SPECC1: variants seen among roughly 807,000 people sequenced by gnomAD.
SPECC1 encodes the protein cytospin-B.
A neutral mutation model predicts 104.1 loss-of-function variants in SPECC1; 62 were observed. The ratio of observed to expected loss-of-function variants is 0.60; its 90% CI spans 0.49 to 0.74. The LOEUF is 0.74. Among genes scored for constraint, SPECC1 ranks in the 30% least tolerant of loss-of-function variants. The pLI, the probability that SPECC1 is intolerant of heterozygous loss-of-function variation, is 0.00. For missense variants in SPECC1, 1,306 were observed against 1,310.5 expected, an observed-to-expected ratio of 1.00 and a Z score of 0.05; for synonymous variants, 513 against 501.6, an observed-to-expected ratio of 1.02 and a Z score of -0.30.
intron 1 of SPECC1, among the ~76,000 whole-genome samples, chr17:20,027,537 A>G (rs9896010): frequency 6.6e-6 from 1 of 151,986 alleles, no homozygotes. Flanking sequence ...TATGTTTTCT[A>G]CCAGTAGTTT....
At chr17:20,105,262 A>T (rs933057082) in intron 2 of SPECC1, among the ~76,000 whole-genome samples, 4 of 152,120 alleles carry the variant, frequency 2.6e-5, no homozygotes, top group South Asian at 2.1e-4. Context: ...ACTAATTTTT[A>T]AAAAAGATTA....
At chr17:20,090,591 CA>C (rs56019742) in intron 1 of SPECC1, among the ~76,000 whole-genome samples, 72,792 of 142,308 alleles carry the variant, frequency 0.51, 18,139 homozygotes, top group Middle Eastern at 0.59. Flanking sequence ...TACACTATTC[CA>C]AAAAAAAAAA....
chr17:20,080,520 C>T (rs1412865371), intron 1 of SPECC1, among the ~76,000 whole-genome samples: 1 of 151,956 alleles, frequency 6.6e-6, no homozygotes, highest in Non-Finnish European at 1.5e-5. Context: ...CACAAGTGCC[C>T]GACATAAATG....
intron 1 of SPECC1, among the ~76,000 whole-genome samples, chr17:20,059,557 G>C (rs2046102521): frequency 8.4e-6 from 1 of 119,396 alleles, no homozygotes; most frequent in African/African-American, 2.9e-5. Context: ...CTGGCATGAA[G>C]TGCAACTTCT....
chr17:20,130,481 T>C (rs1407055290), intron 3 of SPECC1, among the ~76,000 whole-genome samples: 1 of 152,170 alleles, frequency 6.6e-6, no homozygotes, highest in Non-Finnish European at 1.5e-5. Context: ...TCTGCAGTGA[T>C]ATATAATAAC....
At chr17:20,085,808 A>T (rs2047154594) in intron 1 of SPECC1, among the ~76,000 whole-genome samples, 1 of 152,174 alleles carries the variant, frequency 6.6e-6, no homozygotes, top group African/African-American at 2.4e-5. Flanking sequence ...CTCCCGCTGC[A>T]TGTGCGAGTG....
chr17:20,043,403 A>T (rs1236262632), intron 1 of SPECC1, among the ~76,000 whole-genome samples: 1 of 152,146 alleles, frequency 6.6e-6, no homozygotes, highest in African/African-American at 2.4e-5. Context: ...CAAAATGATA[A>T]TTTTTCTAAT....
At chr17:20,055,894 C>T (rs187181793) in intron 1 of SPECC1, among the ~76,000 whole-genome samples, 38 of 152,346 alleles carry the variant, frequency 2.5e-4, no homozygotes, top group African/African-American at 9.1e-4. Flanking sequence ...TTCAGTGCCT[C>T]TCTGGAGCAT....
intron 3 of SPECC1, among the ~76,000 whole-genome samples, chr17:20,116,149 G>A (rs977799046): frequency 6.6e-6 from 1 of 151,696 alleles, no homozygotes; most frequent in Non-Finnish European, 1.5e-5. Flanking sequence ...GTGCAGTGGC[G>A]CGATCTTGGC....
At chr17:20,050,309 C>G (rs1423679245) in intron 1 of SPECC1, among the ~76,000 whole-genome samples, 1 of 152,040 alleles carries the variant, frequency 6.6e-6, no homozygotes, top group Non-Finnish European at 1.5e-5. Flanking sequence ...TTTCCTGATG[C>G]CTATCCTGCT....
At chr17:20,068,030 G>C (rs888661788) in intron 1 of SPECC1, among the ~76,000 whole-genome samples, 2 of 152,128 alleles carry the variant, frequency 1.3e-5, no homozygotes, top group East Asian at 1.9e-4. Context: ...ACCCAGGCTG[G>C]AGTGCAGTGC....
At chr17:20,091,945 C>CAATTA (rs2047420033) in intron 1 of SPECC1, among the ~76,000 whole-genome samples, 1 of 152,168 alleles carries the variant, frequency 6.6e-6, no homozygotes, top group African/African-American at 2.4e-5. Context: ...CCGAAGGCAG[C>CAATTA]AATTTAGTGG....
chr17:20,208,650 A>G (rs1300393630), intron 4 of SPECC1, among the ~76,000 whole-genome samples: 4 of 152,358 alleles, frequency 2.6e-5, no homozygotes, highest in Middle Eastern at 3.4e-3. Flanking sequence ...ACATTGTGCA[A>G]TGTCGAATAG....
intron 7 of SPECC1, chr17:20,239,457 C>A (rs191220041): frequency 2.9e-4 from 64 of 217,734 alleles, no homozygotes; most frequent in Admixed American, 2.2e-3. Context: ...TTTATCATAT[C>A]ATAGGCATCC....
At chr17:20,166,435 GA>G (rs2033653035) in intron 3 of SPECC1, among the ~76,000 whole-genome samples, 1 of 152,126 alleles carries the variant, frequency 6.6e-6, no homozygotes, top group Non-Finnish European at 1.5e-5. Flanking sequence ...TGTAAATAAT[GA>G]AAGTTGACAT....
At chr17:20,051,094 TTCTTTCTTTC>T (rs2045741329) in intron 1 of SPECC1, among the ~76,000 whole-genome samples, 1 of 112,010 alleles carries the variant, frequency 8.9e-6, no homozygotes, top group Admixed American at 9.3e-5. Flanking sequence ...CTTTCTTTCT[TTCTTTCTTTC>T]TTTCTTTCTT....
intron 3 of SPECC1, among the ~76,000 whole-genome samples, chr17:20,188,950 T>G (rs2035469785): frequency 6.6e-6 from 1 of 152,134 alleles, no homozygotes; most frequent in African/African-American, 2.4e-5. Flanking sequence ...TCAGGTGAAT[T>G]TATTATGTTT....
At chr17:20,178,708 T>C (rs1175112876) in intron 3 of SPECC1, among the ~76,000 whole-genome samples, 1 of 152,194 alleles carries the variant, frequency 6.6e-6, no homozygotes, top group Non-Finnish European at 1.5e-5. Flanking sequence ...TGTAAGATGC[T>C]TAAGGGATCT....
intron 3 of SPECC1, among the ~76,000 whole-genome samples, chr17:20,171,673 G>A (rs933330748): frequency 5.9e-5 from 9 of 151,848 alleles, no homozygotes; most frequent in Non-Finnish European, 8.8e-5. Flanking sequence ...TCAACCTCTC[G>A]GGTAGCTAGG....
Sources: gnomAD v4.1 joint callset for allele counts (sites outside exome capture counted in the v4.1 genomes callset) on GRCh38, gnomAD v4.1.1 for gene constraint, MANE v1.5 for transcripts, NCBI Gene and HGNC (gene_info 2026-07-23, HGNC 2026-07-21) for gene names.